Variants in TENM1 observed in about 807,000 individuals in gnomAD.
The protein encoded by TENM1 is teneurin transmembrane protein 1, also known as teneurin-1.
A neutral mutation model predicts 174.8 loss-of-function variants in TENM1; 35 were observed. The observed-to-expected ratio is 0.20, with a 90% CI of 0.15 to 0.27. TENM1 has a LOEUF of 0.27. TENM1 is among the 10% of genes least tolerant of loss of function. The pLI, the probability that TENM1 is intolerant of heterozygous loss-of-function variation, is 1.00. For missense variants in TENM1, 1,633 were observed against 2,130.1 expected, an observed-to-expected ratio of 0.77 and a Z score of 4.59; for synonymous variants, 781 against 798.7, an observed-to-expected ratio of 0.98 and a Z score of 0.37.
At chrX:124,765,284 C>T (rs2054515533) in intron 3 of TENM1, among the ~76,000 whole-genome samples, 1 of 112,104 alleles carries the variant, frequency 8.9e-6, no homozygotes, top group African/African-American at 3.2e-5. Flanking sequence ...AAATCCTTAT[C>T]ATCTGAGCTA....
At chrX:124,900,791 CTTTT>C (rs370775010) in intron 1 of TENM1, among the ~76,000 whole-genome samples, 2 of 98,237 alleles carry the variant, frequency 2.0e-5, no homozygotes, top group African/African-American at 7.6e-5. Flanking sequence ...TCTTCTTCTT[CTTTT>C]TTTTTTTTTT....
At chrX:125,080,821 G>T in the TENM1 span, among the ~76,000 whole-genome samples, 1 of 110,227 alleles carries the variant, frequency 9.1e-6, no homozygotes, top group African/African-American at 3.3e-5. Flanking sequence ...CAAGGCTTCA[G>T]TTCTGCCTGT....
chrX:124,965,266 A>G (rs1016110487), upstream of TENM1, among the ~76,000 whole-genome samples: 2 of 111,055 alleles, frequency 1.8e-5, no homozygotes, highest in Non-Finnish European at 3.8e-5. Context: ...TTTTTAGTAG[A>G]GACGGGATTT....
upstream of TENM1, among the ~76,000 whole-genome samples, chrX:124,967,608 G>A (rs1288291869): frequency 4.5e-5 from 5 of 111,496 alleles, no homozygotes; most frequent in African/African-American, 1.6e-4. Flanking sequence ...CTCCCAAAAT[G>A]TGTTCATGTT....
At chrX:124,676,257 AATATATAT>A (rs56962688) in intron 5 of TENM1, among the ~76,000 whole-genome samples, 341 of 22,890 alleles carry the variant, frequency 0.015, 20 homozygotes, top group Non-Finnish European at 0.024. Flanking sequence ...ACATATATAA[AATATATAT>A]ATATATATAT....
intron 25 of TENM1, among the ~76,000 whole-genome samples, chrX:124,419,727 C>G (rs973759939): frequency 3.7e-4 from 41 of 112,022 alleles, no homozygotes; most frequent in African/African-American, 1.3e-3. Context: ...GAGCATTTGG[C>G]TCTTCCTTTT....
intron 25 of TENM1, among the ~76,000 whole-genome samples, chrX:124,410,551 C>A (rs5911831): frequency 9.1e-6 from 1 of 110,059 alleles, no homozygotes; most frequent in Non-Finnish European, 1.9e-5. Flanking sequence ...AGCTTCTGCA[C>A]AGCAAAAGAA....
At chrX:124,426,020 G>C (rs2060712046) in intron 23 of TENM1, among the ~76,000 whole-genome samples, 1 of 108,088 alleles carries the variant, frequency 9.3e-6, no homozygotes, top group Non-Finnish European at 1.9e-5. Flanking sequence ...GTGTGTGTGT[G>C]TGTGTGTGTG....
At chrX:124,925,642 A>G (rs1344810874) in intron 1 of TENM1, among the ~76,000 whole-genome samples, 1 of 112,426 alleles carries the variant, frequency 8.9e-6, no homozygotes, top group Non-Finnish European at 1.9e-5. Context: ...GTGGAGAAGA[A>G]ATGAAAGAAA....
At chrX:124,715,615 T>C (rs953665082) in intron 4 of TENM1, among the ~76,000 whole-genome samples, 1 of 110,090 alleles carries the variant, frequency 9.1e-6, no homozygotes, top group Non-Finnish European at 1.9e-5. Flanking sequence ...TTTTCTTTTT[T>C]TTTCCTTTTC....
intron 4 of TENM1, among the ~76,000 whole-genome samples, chrX:124,705,810 A>C (rs2052888462): frequency 8.9e-6 from 1 of 112,273 alleles, no homozygotes; most frequent in South Asian, 3.7e-4. Flanking sequence ...GACTGAACTC[A>C]CTTTGTCACA....
intron 3 of TENM1, among the ~76,000 whole-genome samples, chrX:124,886,791 T>C (rs759318511): frequency 1.1e-5 from 1 of 89,804 alleles, no homozygotes; most frequent in East Asian, 3.4e-4. Flanking sequence ...AATAAGAAAA[T>C]ATAAAAATTC....
intron 15 of TENM1, among the ~76,000 whole-genome samples, chrX:124,532,479 C>T (rs2048128646): frequency 9.0e-6 from 1 of 111,604 alleles, no homozygotes; most frequent in Non-Finnish European, 1.9e-5. Context: ...CATTCTGTAT[C>T]TCGTTCTGAG....
intron 22 of TENM1, among the ~76,000 whole-genome samples, chrX:124,468,463 A>G (rs2061264821): frequency 8.9e-6 from 1 of 112,566 alleles, no homozygotes; most frequent in Non-Finnish European, 1.9e-5. Context: ...GGCGTCAGCC[A>G]CCGCGCCCGC....
At chrX:124,761,788 T>C (rs763750259) in intron 3 of TENM1, among the ~76,000 whole-genome samples, 1 of 111,958 alleles carries the variant, frequency 8.9e-6, no homozygotes, top group Admixed American at 9.5e-5. Flanking sequence ...TCCACGTATG[T>C]ACATACAAAT....
intron 11 of TENM1, among the ~76,000 whole-genome samples, chrX:124,606,401 T>C (rs1342680590): frequency 9.0e-6 from 1 of 111,379 alleles, no homozygotes; most frequent in East Asian, 2.8e-4. Flanking sequence ...ACCTAAGTGT[T>C]CCATTTAGGA....
chrX:124,408,808 A>G (rs1164045684), intron 25 of TENM1, among the ~76,000 whole-genome samples: 1 of 71,594 alleles, frequency 1.4e-5, no homozygotes, highest in Non-Finnish European at 2.6e-5. Context: ...TCCTAATGCT[A>G]TCCCTCCCCC....
In TENM1 at chrX:124,525,420, C is replaced by CT. The variant is rs747727666; in HGVS notation, c.2772-1796dup. 3.6e-4 allele frequency among the ~76,000 whole-genome samples: 40 copies of CT among 112,082 alleles called. No homozygotes were observed. In the East Asian group the frequency reaches 0.011, roughly 30 times the overall value. Reference sequence around the variant, plus strand: ...GACACTACTTGTCAAGAAACCTTTCCTCTAGTTCACCTTCTATGTGGATTT... The same window carrying CT: ...GACACTACTTGTCAAGAAACCTTTCCTTCTAGTTCACCTTCTATGTGGATTT... On this transcript the variant is annotated intron_variant, in intron 16 of 31. Coordinates refer to ENST00000422452, the Ensembl canonical transcript of TENM1.
At chrX:124,585,546 T>C (rs748552076) in intron 11 of TENM1, among the ~76,000 whole-genome samples, 1,166 of 111,049 alleles carry the variant, frequency 0.01, 20 homozygotes, top group African/African-American at 0.036. Context: ...AGTGTGTAGA[T>C]GGAAATTTAT....
Sources: allele counts gnomAD v4.1 joint callset (sites outside exome capture counted in the v4.1 genomes callset), GRCh38; gene constraint gnomAD v4.1.1; transcripts MANE v1.5; gene names NCBI Gene and HGNC (gene_info 2026-07-23, HGNC 2026-07-21).